MAGI2: variants seen among roughly 807,000 people sequenced by gnomAD.
MAGI2 encodes membrane associated guanylate kinase, WW and PDZ domain containing 2.
MAGI2 carries 35 observed loss-of-function variants against 133.3 expected under a neutral mutation model. The observed-to-expected ratio is 0.26, with a 90% CI of 0.20 to 0.35. MAGI2 has a LOEUF of 0.35. Among genes scored for constraint, MAGI2 ranks in the 10% least tolerant of loss-of-function variants. MAGI2 has a pLI of 1.00. For synonymous variants in MAGI2, 729 were observed against 710.6 expected, an observed-to-expected ratio of 1.03 and a Z score of -0.41; for missense variants, 1,636 against 1,863.4, an observed-to-expected ratio of 0.88 and a Z score of 2.25.
chr7:79,243,125 C>CA (rs1264022255), intron 1 of MAGI2, among the ~76,000 whole-genome samples: 8 of 151,302 alleles, frequency 5.3e-5, no homozygotes, highest in Non-Finnish European at 1.0e-4. Flanking sequence ...GACTCTGTTT[C>CA]AAAAAACAAC....
intron 17 of MAGI2, chr7:78,134,728 T>A (rs1465220): frequency 3.8e-6 from 1 of 260,300 alleles, no homozygotes; most frequent in African/African-American, 2.2e-5. Context: ...ACCATAAAAG[T>A]GGGGGCCCAC....
chr7:79,386,676 A>G (rs1484978440), intron 1 of MAGI2, among the ~76,000 whole-genome samples: 2 of 152,074 alleles, frequency 1.3e-5, no homozygotes, highest in Non-Finnish European at 2.9e-5. Context: ...AACACCGAGG[A>G]CAATTCCACT....
intron 2 of MAGI2, among the ~76,000 whole-genome samples, chr7:78,764,739 A>G (rs1404896529): frequency 6.6e-6 from 1 of 152,202 alleles, no homozygotes; most frequent in East Asian, 1.9e-4. Context: ...ATTGTTTTTT[A>G]TAAGTCTTAG....
At chr7:78,776,339 T>C (rs1284065897) in intron 2 of MAGI2, among the ~76,000 whole-genome samples, 6 of 152,180 alleles carry the variant, frequency 3.9e-5, no homozygotes, top group Non-Finnish European at 7.3e-5. Context: ...TTTGATCAAA[T>C]TAGGAAGCTA....
chr7:79,149,169 T>C (rs1040536101), intron 1 of MAGI2, among the ~76,000 whole-genome samples: 12 of 146,260 alleles, frequency 8.2e-5, no homozygotes, highest in African/African-American at 3.0e-4. Flanking sequence ...ATTATATATA[T>C]AGACAGAGAA....
At chr7:78,355,949 C>A (rs1490864618) in intron 7 of MAGI2, among the ~76,000 whole-genome samples, 1 of 152,122 alleles carries the variant, frequency 6.6e-6, no homozygotes, top group Non-Finnish European at 1.5e-5. Flanking sequence ...ATGCGTTTTA[C>A]ATATTGGAGA....
intron 21 of MAGI2, chr7:78,072,809 A>C: frequency 2.5e-6 from 1 of 397,414 alleles, no homozygotes; most frequent in Non-Finnish European, 4.4e-6. Flanking sequence ...CTGGGACCAC[A>C]GGAGTATGCC....
intron 1 of MAGI2, among the ~76,000 whole-genome samples, chr7:79,419,710 T>C (rs1246820554): frequency 6.6e-6 from 1 of 152,054 alleles, no homozygotes; most frequent in Non-Finnish European, 1.5e-5. Context: ...CTATTCCCAT[T>C]AAGCATGGTA....
At chr7:79,357,069 C>T (rs1842068754) in intron 1 of MAGI2, among the ~76,000 whole-genome samples, 1 of 152,192 alleles carries the variant, frequency 6.6e-6, no homozygotes, top group Non-Finnish European at 1.5e-5. Flanking sequence ...GGTTATTTTA[C>T]TCATTTTGTA....
rs182388398 is a variant in MAGI2 at position 78,871,067 on chromosome 7, T to C, written c.418+136023A>G. Among the ~76,000 whole-genome samples the C allele has an allele frequency of 2.5e-4, 38 of 152,190 alleles. 1 individual carries two copies. Among genetic ancestry groups the C allele is most frequent in the Admixed American group, 2.4e-3 (36 of 15,266 alleles). On this transcript the variant is annotated intron_variant, in intron 2 of 21. Transcript: ENST00000354212. The stretch of plus-strand genomic sequence containing the variant: ...GGCTCATGCCTGTAATCCCAGCACT[T>C]TGGGAGGCTGAGGTGGGCTGATCAT...
chr7:79,005,428 C>G (rs986116003), intron 2 of MAGI2, among the ~76,000 whole-genome samples: 2 of 152,092 alleles, frequency 1.3e-5, no homozygotes, highest in Non-Finnish European at 1.5e-5. Context: ...CTGTTTTACC[C>G]TTATATTTAC....
At chr7:78,269,831 G>T (rs1794389537) in intron 9 of MAGI2, among the ~76,000 whole-genome samples, 1 of 152,162 alleles carries the variant, frequency 6.6e-6, no homozygotes, top group Non-Finnish European at 1.5e-5. Context: ...TAGTCATAAA[G>T]TCTTTGCCCA....
At chr7:78,258,146 C>G (rs1793172210) in intron 9 of MAGI2, among the ~76,000 whole-genome samples, 1 of 152,186 alleles carries the variant, frequency 6.6e-6, no homozygotes, top group Admixed American at 6.5e-5. Flanking sequence ...TGGAACTTCA[C>G]TTTTCCATAA....
intron 6 of MAGI2, among the ~76,000 whole-genome samples, chr7:78,412,481 G>A (rs1797956252): frequency 6.6e-6 from 1 of 152,190 alleles, no homozygotes; most frequent in African/African-American, 2.4e-5. Flanking sequence ...TGCAGAATGA[G>A]CTGGAGTTTA....
chr7:79,043,737 A>G (rs1811905868), intron 1 of MAGI2, among the ~76,000 whole-genome samples: 1 of 152,048 alleles, frequency 6.6e-6, no homozygotes, highest in Non-Finnish European at 1.5e-5. Context: ...CCAGAGAAAG[A>G]CAAAATAACC....
chr7:78,608,748 G>T (rs1169012846), intron 3 of MAGI2, among the ~76,000 whole-genome samples: 1 of 152,116 alleles, frequency 6.6e-6, no homozygotes, highest in African/African-American at 2.4e-5. Context: ...CAGGAAAGTT[G>T]TTCTAGAATC....
intron 1 of MAGI2, among the ~76,000 whole-genome samples, chr7:79,428,019 A>AT (rs1163393364): frequency 6.6e-6 from 1 of 152,180 alleles, no homozygotes; most frequent in Non-Finnish European, 1.5e-5. Flanking sequence ...GAATTTCCAA[A>AT]TTTTTAGTGT....
chr7:79,335,916 C>G (rs569816493), intron 1 of MAGI2, among the ~76,000 whole-genome samples: 1 of 152,154 alleles, frequency 6.6e-6, no homozygotes, highest in East Asian at 1.9e-4. Context: ...TAATGTCTAT[C>G]TTCTCTTCCA....
chr7:78,854,447 A>G (rs1053538402), intron 2 of MAGI2, among the ~76,000 whole-genome samples: 2 of 152,146 alleles, frequency 1.3e-5, no homozygotes, highest in African/African-American at 4.8e-5. Context: ...TGAAATGTAT[A>G]GAGTTACAAA....
Sources: gnomAD v4.1 joint callset for allele counts (sites outside exome capture counted in the v4.1 genomes callset) on GRCh38, gnomAD v4.1.1 for gene constraint, MANE v1.5 for transcripts, NCBI Gene and HGNC (gene_info 2026-07-23, HGNC 2026-07-21) for gene names.